Variants in BRINP1 observed in about 807,000 individuals in gnomAD.
The protein encoded by BRINP1 is BMP/retinoic acid-inducible neural-specific protein 1.
Under a neutral mutation model 72.9 loss-of-function variants are expected in BRINP1, and 17 were observed. That is an observed-to-expected ratio of 0.23 (90% CI 0.16 to 0.35). The LOEUF (loss-of-function observed/expected upper bound fraction) is 0.35, where lower values mean the gene tolerates loss of function less well. Among genes scored for constraint, BRINP1 ranks in the 10% least tolerant of loss-of-function variants. BRINP1 has a pLI of 1.00. For synonymous variants in BRINP1, 418 were observed against 378.5 expected (o/e 1.10, Z -1.21); for missense variants, 850 against 1,001.6 (o/e 0.85, Z 2.04).
intron 2 of BRINP1, among the ~76,000 whole-genome samples, chr9:119,274,167 C>T (rs1266408020): frequency 2.0e-5 from 3 of 152,170 alleles, no homozygotes; most frequent in African/African-American, 4.8e-5. Context: ...GCCAAGGAAA[C>T]CTTTGGTGTT....
intron 5 of BRINP1, among the ~76,000 whole-genome samples, chr9:119,235,091 C>T (rs1378840290): frequency 6.6e-6 from 1 of 152,108 alleles, no homozygotes; most frequent in Non-Finnish European, 1.5e-5. Flanking sequence ...AAATCCGTGG[C>T]ATTTCCTCTT....
intron 2 of BRINP1, among the ~76,000 whole-genome samples, chr9:119,253,091 A>C (rs1257252458): frequency 2.0e-5 from 3 of 152,190 alleles, no homozygotes; most frequent in African/African-American, 7.2e-5. Context: ...TAAAGAACTA[A>C]CTACCTGCTC....
intron 5 of BRINP1, among the ~76,000 whole-genome samples, chr9:119,219,688 A>T (rs1476622124): frequency 7.0e-6 from 1 of 142,330 alleles, no homozygotes; most frequent in Admixed American, 6.9e-5. Context: ...AGAGAGAGAG[A>T]GAGAGAGAAA....
intron 7 of BRINP1, among the ~76,000 whole-genome samples, chr9:119,178,528 A>C (rs1268175044): frequency 6.6e-6 from 1 of 152,226 alleles, no homozygotes; most frequent in Non-Finnish European, 1.5e-5. Context: ...CAGTTCTCTC[A>C]GTAGTTATCA....
At chr9:119,168,499 G>A (rs371447949) in intron 7 of BRINP1, among the ~76,000 whole-genome samples, 141 of 142,774 alleles carry the variant, frequency 9.9e-4, no homozygotes, top group African/African-American at 3.3e-3. Flanking sequence ...GTTCCTTGGG[G>A]TCCTTCCAGC....
intron 1 of BRINP1, among the ~76,000 whole-genome samples, chr9:119,339,186 A>T (rs1831383859): frequency 6.6e-6 from 1 of 152,164 alleles, no homozygotes; most frequent in African/African-American, 2.4e-5. Flanking sequence ...TATCTCAATT[A>T]CTCAGCTCTA....
In BRINP1 at chr9:119,166,872, G is replaced by C; in HGVS notation, c.*212C>G. The stretch of plus-strand genomic sequence containing the variant: ...ACAAAAGGCTGAGACCCTTCTTCAT[G>C]ACAGAGTGAGTATAGAAATAACAAA... On this transcript the variant is annotated 3_prime_UTR_variant, in exon 8 of 8. Transcript: ENST00000265922. The C allele has an allele frequency of 1.8e-6, 1 of 548,040 alleles. No individual in the cohort carries two copies. Among genetic ancestry groups the C allele is most frequent in the South Asian group, 2.3e-5 (1 of 42,624 alleles). 33.9% of individuals were successfully genotyped at this position (548,040 alleles called of 1,614,324 possible).
At chr9:119,191,344 A>G (rs1294773746) in intron 7 of BRINP1, among the ~76,000 whole-genome samples, 2 of 151,864 alleles carry the variant, frequency 1.3e-5, no homozygotes, top group Non-Finnish European at 1.5e-5. Context: ...GAAGTAGAAT[A>G]AACTCTATTT....
intron 4 of BRINP1, among the ~76,000 whole-genome samples, chr9:119,241,517 A>C (rs969301330): frequency 6.6e-6 from 1 of 152,198 alleles, no homozygotes; most frequent in East Asian, 1.9e-4. Flanking sequence ...GCTGGTCTTG[A>C]GAGCAGAGTT....
intron 7 of BRINP1, among the ~76,000 whole-genome samples, chr9:119,172,252 G>T (rs531607657): frequency 3.9e-5 from 6 of 152,166 alleles, no homozygotes; most frequent in African/African-American, 1.4e-4. Flanking sequence ...TCATAAAGAA[G>T]AAAAGAGAAG....
chr9:119,308,756 A>T (rs2118990614), intron 2 of BRINP1, among the ~76,000 whole-genome samples: 1 of 152,326 alleles, frequency 6.6e-6, no homozygotes, highest in East Asian at 1.9e-4. Context: ...TTACAGCTCA[A>T]AGGGAGATGC....
chr9:119,183,696 C>CA (rs773581329), intron 7 of BRINP1, among the ~76,000 whole-genome samples: 15 of 152,262 alleles, frequency 9.9e-5, no homozygotes, highest in Admixed American at 9.8e-4. Flanking sequence ...GGCAGCAAAA[C>CA]ATGACATTTT....
At chr9:119,238,014 C>T (rs1830209377) in intron 5 of BRINP1, among the ~76,000 whole-genome samples, 1 of 152,096 alleles carries the variant, frequency 6.6e-6, no homozygotes, top group Non-Finnish European at 1.5e-5. Context: ...CCATCAGAAA[C>T]CTTTTATTTA....
Position 119,166,834 on chromosome 9 carries a change from C to A in BRINP1, c.*250G>T. 1 of 433,400 alleles carries A rather than the reference C, an allele frequency of 2.3e-6. No homozygotes were observed. The highest frequency in any genetic ancestry group is 3.0e-5 in the South Asian group (1 of 33,572). 26.8% of individuals were successfully genotyped at this position (433,400 alleles called of 1,614,324 possible). A position where few individuals can be genotyped will look rare whatever the true frequency, so the allele number is the denominator to read the frequency against. ...AGCACCTGAGGCCTAAGAAGCAACT[C>A]CCTCAATGCTCCACAAAAGGCTGAG... On this transcript the variant is annotated 3_prime_UTR_variant, in exon 8 of 8. Coordinates refer to ENST00000265922, the MANE Select transcript of BRINP1 (RefSeq NM_014618.3).
chr9:119,321,090 C>G (rs1831181812), intron 1 of BRINP1, among the ~76,000 whole-genome samples: 1 of 152,134 alleles, frequency 6.6e-6, no homozygotes, highest in Non-Finnish European at 1.5e-5. Flanking sequence ...GCCACTGTGC[C>G]CGGCTAATTT....
At chr9:119,250,492 C>T (rs1301242820) in intron 2 of BRINP1, among the ~76,000 whole-genome samples, 1 of 152,136 alleles carries the variant, frequency 6.6e-6, no homozygotes, top group Admixed American at 6.6e-5. Flanking sequence ...CTATAAAATT[C>T]AATTATCTAT....
At chr9:119,220,301 A>C (rs994422014) in intron 5 of BRINP1, among the ~76,000 whole-genome samples, 1 of 152,164 alleles carries the variant, frequency 6.6e-6, no homozygotes, top group Non-Finnish European at 1.5e-5. Context: ...GACCTTCAAC[A>C]ACATTGATGA....
At chr9:119,184,002 A>G in intron 7 of BRINP1, among the ~76,000 whole-genome samples, 1 of 152,144 alleles carries the variant, frequency 6.6e-6, no homozygotes, top group East Asian at 1.9e-4. Context: ...CATAGAAATT[A>G]TAAGACTTAT....
intron 7 of BRINP1, among the ~76,000 whole-genome samples, chr9:119,188,659 G>A (rs1829651759): frequency 6.6e-6 from 1 of 152,118 alleles, no homozygotes; most frequent in South Asian, 2.1e-4. Flanking sequence ...GTATGTGCCT[G>A]TCATCCTACC....
Sources: gnomAD v4.1 joint callset for allele counts (sites outside exome capture counted in the v4.1 genomes callset) on GRCh38, gnomAD v4.1.1 for gene constraint, MANE v1.5 for transcripts, NCBI Gene and HGNC (gene_info 2026-07-23, HGNC 2026-07-21) for gene names.